Variants in PKD1L1 observed in about 807,000 individuals in gnomAD.
The protein encoded by PKD1L1 is polycystin 1 like 1, transient receptor potential channel interacting, also known as polycystin-1-like protein 1.
In PKD1L1, 236 loss-of-function variants were observed where a neutral mutation model predicts 323.4. That is an observed-to-expected ratio of 0.73 (90% CI 0.66 to 0.81). PKD1L1 has a LOEUF of 0.81. Ranked by LOEUF, PKD1L1 falls within the 40% of genes least tolerant of loss-of-function variation. The pLI is 0.00. For missense variants in PKD1L1, 3,320 were observed against 3,508.0 expected (o/e 0.95, Z 1.35); for synonymous variants, 1,344 against 1,335.0 (o/e 1.01, Z -0.15).
the PKD1L1 span, among the ~76,000 whole-genome samples, chr7:47,960,378 A>T: frequency 3.5e-3 from 29 of 8,362 alleles, no homozygotes; most frequent in Admixed American, 5.6e-3. Context: ...AAAAAAAATT[A>T]AAAAAAAAAA....
Position 47,885,845 on chromosome 7 carries a change from C to T in PKD1L1, c.3046G>A (p.Val1016Ile), listed in dbSNP as rs1786670790. Residue 1016 changes from valine to isoleucine, a missense_variant, in exon 18 of 57, where the codon GTC becomes ATC. Physicochemically the swap from Val to Ile is conservative, Grantham distance 29. Coordinates refer to ENST00000289672, the MANE Select transcript of PKD1L1 (RefSeq NM_138295.5). ...RGTPTEPMTGVYWIPPAGDSA... is the reference protein window; with the variant it reads ...RGTPTEPMTGIYWIPPAGDSA... Reference sequence around the variant, plus strand: ...TCCCCCGCAGGAGGAATCCAGTAGACTCCAGTCATGGGCTCTGTGGGGGTT... The same window carrying T: ...TCCCCCGCAGGAGGAATCCAGTAGATTCCAGTCATGGGCTCTGTGGGGGTT... 1 of 1,614,224 alleles carries T rather than the reference C, an allele frequency of 6.2e-7. No homozygotes were observed. The highest frequency in any genetic ancestry group is 1.3e-5 in the African/African-American group (1 of 75,074).
intron 4 of PKD1L1, among the ~76,000 whole-genome samples, chr7:47,932,503 C>A (rs1458031676): frequency 6.6e-6 from 1 of 152,216 alleles, no homozygotes; most frequent in Non-Finnish European, 1.5e-5. Flanking sequence ...GGCAGGGAGG[C>A]AGGGCTTGGG....
At chr7:47,803,558 C>G (rs536192882) in intron 52 of PKD1L1, among the ~76,000 whole-genome samples, 2 of 152,272 alleles carry the variant, frequency 1.3e-5, no homozygotes, top group East Asian at 3.9e-4. Context: ...TTGAGAAGAC[C>G]TGCTCTGAAT....
intron 3 of PKD1L1, among the ~76,000 whole-genome samples, chr7:47,938,250 A>C (rs1231951038): frequency 1.3e-5 from 2 of 152,192 alleles, no homozygotes; most frequent in Non-Finnish European, 2.9e-5. Flanking sequence ...CAGGTGCTTC[A>C]TCTTTCAGGA....
chr7:47,894,563 T>A (rs1201769378), intron 14 of PKD1L1, among the ~76,000 whole-genome samples: 3 of 152,204 alleles, frequency 2.0e-5, no homozygotes, highest in Non-Finnish European at 4.4e-5. Context: ...TTTACAAGTT[T>A]GATGCGGCCA....
In PKD1L1 at chr7:47,865,240, C is replaced by T. The variant is rs770150355; in HGVS notation, c.4125G>A (p.Arg1375=). 59 of 1,613,176 alleles carry T rather than the reference C, an allele frequency of 3.7e-5. No homozygotes were observed. The highest frequency in any genetic ancestry group is 4.0e-5 in the Non-Finnish European group (47 of 1,179,694). ...CCTTATTAGAGAAGCTCACGAGGTC[C>T]CTCAACATAAGAACAGAACCAATCA... The part of the protein sequence containing the change: ...EEMIGSVLML[R]DLVSFSNKLG... Residue 1375 remains arginine (R), a synonymous_variant, in exon 26 of 57, where the codon AGG becomes AGA. Coordinates refer to ENST00000289672, the MANE Select transcript of PKD1L1 (RefSeq NM_138295.5).
intron 26 of PKD1L1, among the ~76,000 whole-genome samples, chr7:47,861,494 C>T (rs867553799): frequency 6.6e-5 from 10 of 152,140 alleles, no homozygotes; most frequent in Non-Finnish European, 8.8e-5. Context: ...AGGGGCATCC[C>T]GAATGCCTAC....
chr7:47,893,613 C>T (rs539120306), intron 15 of PKD1L1, among the ~76,000 whole-genome samples: 5 of 152,208 alleles, frequency 3.3e-5, no homozygotes, highest in African/African-American at 1.2e-4. Flanking sequence ...TCTCACTAAC[C>T]AAGAATTTAA....
chr7:47,775,968 T>C (rs1248002682), intron 56 of PKD1L1, among the ~76,000 whole-genome samples: 2 of 151,944 alleles, frequency 1.3e-5, no homozygotes, highest in East Asian at 3.9e-4. Context: ...AAGACACAAA[T>C]TGCCAATATC....
At chr7:47,806,205 C>A (rs1022843123) in intron 52 of PKD1L1, among the ~76,000 whole-genome samples, 1 of 152,194 alleles carries the variant, frequency 6.6e-6, no homozygotes, top group African/African-American at 2.4e-5. Flanking sequence ...TTCTAGAAAA[C>A]CTCCCCTGTC....
rs777875559 is a variant in PKD1L1, at chr7:47,834,331, T to C, written c.6174+8A>G. On this transcript the variant is annotated splice_region_variant and intron_variant, in intron 40 of 56. Transcript: ENST00000289672. ...AAGATTAGCTGCTGCGCATAATGATTGATTTACCTTGCGTGGCTCCTGTGC... is the reference window on the plus strand; with the variant it reads ...AAGATTAGCTGCTGCGCATAATGATCGATTTACCTTGCGTGGCTCCTGTGC... 6 of 1,612,776 alleles carry C rather than the reference T, an allele frequency of 3.7e-6. No individual in the cohort carries two copies. In the Middle Eastern group the frequency reaches 5.0e-4, roughly 133 times the overall value.
intron 34 of PKD1L1, among the ~76,000 whole-genome samples, chr7:47,841,198 T>C (rs1026174769): frequency 6.6e-6 from 1 of 152,234 alleles, no homozygotes; most frequent in Admixed American, 6.5e-5. Context: ...CTGGAGTTCA[T>C]TTTTTGTGTG....
In PKD1L1 at chr7:47,905,137, G is replaced by A. The variant is rs1424696779; in HGVS notation, c.1691+20C>T. On this transcript the variant is annotated intron_variant, in intron 11 of 56. Transcript: ENST00000289672. ...CTGCAGTACAAACAGCTACTCAGCA[G>A]GACTGCTACTTTTACTGACCATTGG... 6.2e-7 allele frequency: 1 copy of A among 1,610,128 alleles called. No homozygotes were observed. The highest frequency in any genetic ancestry group is 8.5e-7 in the Non-Finnish European group (1 of 1,177,938).
intron 11 of PKD1L1, 150 bp downstream of exon 11, chr7:47,905,007 G>T: frequency 1.2e-6 from 1 of 831,576 alleles, no homozygotes; most frequent in Non-Finnish European, 1.9e-6. Context: ...TAAATCTTAT[G>T]TTGAGTTTGC....
In PKD1L1 at chr7:47,882,036, C is replaced by T. The variant is rs780623219; in HGVS notation, c.3315G>A (p.Glu1105=). The change falls in exon 20 of 57, where the codon GAG becomes GAA. Residue 1105 remains glutamate, a synonymous_variant. Transcript: ENST00000289672. ...CCAGGTTATCCCCATCTCCAGGGCTCTCCTCGGCACTCAAGCTAGGTCCTG... is the reference window on the plus strand; with the variant it reads ...CCAGGTTATCCCCATCTCCAGGGCTTTCCTCGGCACTCAAGCTAGGTCCTG... ...PGSGPSLSAE[E]SPGDGDNLVD... The T allele has an allele frequency of 6.2e-7, 1 of 1,613,928 alleles. No individual in the cohort carries two copies. The highest frequency in any genetic ancestry group is 8.5e-7 in the Non-Finnish European group (1 of 1,179,988).
At chr7:47,907,134 C>T (rs2128751381) in intron 9 of PKD1L1, among the ~76,000 whole-genome samples, 1 of 152,072 alleles carries the variant, frequency 6.6e-6, no homozygotes, top group South Asian at 2.1e-4. Context: ...TTAAAAAAAT[C>T]CTTCCATATG....
chr7:47,845,121 A>G, intron 32 of PKD1L1, 43 bp from the exon 33 acceptor site: 2 of 1,534,448 alleles, frequency 1.3e-6, no homozygotes, highest in Non-Finnish European at 1.8e-6. Flanking sequence ...GTGTGGAGAG[A>G]GCAGCTGTTG....
chr7:47,812,588 C>T (rs1448765095), intron 49 of PKD1L1, among the ~76,000 whole-genome samples: 1 of 152,214 alleles, frequency 6.6e-6, no homozygotes, highest in Non-Finnish European at 1.5e-5. Context: ...TGGGTCAGCA[C>T]AGCTCCAACC....
intron 1 of PKD1L1, among the ~76,000 whole-genome samples, chr7:47,947,169 T>A (rs376074089): frequency 2.7e-4 from 41 of 152,222 alleles, no homozygotes; most frequent in African/African-American, 9.2e-4. Flanking sequence ...AGCATGAATG[T>A]GACCAACCCC....
Sources: gnomAD v4.1 joint callset for allele counts (sites outside exome capture counted in the v4.1 genomes callset) on GRCh38, gnomAD v4.1.1 for gene constraint, MANE v1.5 for transcripts, NCBI Gene and HGNC (gene_info 2026-07-23, HGNC 2026-07-21) for gene names.